Variants in KLF8 observed in about 807,000 individuals in gnomAD.
KLF8 encodes the protein KLF transcription factor 8.
In KLF8, 10 loss-of-function variants were observed where a neutral mutation model predicts 18.2. That is an observed-to-expected ratio of 0.55 (90% confidence interval 0.34 to 0.93). The LOEUF (loss-of-function observed/expected upper bound fraction) is 0.93, where lower values mean the gene tolerates loss of function less well. Ranked by LOEUF, KLF8 falls within the 40% of genes least tolerant of loss-of-function variation. KLF8 has a pLI of 0.02. For synonymous variants in KLF8, 109 were observed against 97.3 expected (o/e 1.12, Z -0.71); for missense variants, 264 against 277.9 (o/e 0.95, Z 0.36).
intron 2 of KLF8, among the ~76,000 whole-genome samples, chrX:56,261,800 C>T (rs1457093101): frequency 9.0e-6 from 1 of 110,989 alleles, no homozygotes; most frequent in African/African-American, 3.3e-5. Context: ...AAAAAGAATC[C>T]TCAGTGCACA....
chrX:55,988,554 G>T, the KLF8 span, among the ~76,000 whole-genome samples: 1 of 111,109 alleles, frequency 9.0e-6, no homozygotes, highest in Non-Finnish European at 1.9e-5. Flanking sequence ...CTGTTCCATT[G>T]GTCTATATCT....
At chrX:56,145,114 AAAACTCAACAAAAGAAAGAC>A in the KLF8 span, among the ~76,000 whole-genome samples, 1 of 111,463 alleles carries the variant, frequency 9.0e-6, no homozygotes, top group African/African-American at 3.3e-5. Context: ...AGAACTTTTA[AAAACTCAACAAAAGAAAGAC>A]AAACAAGCCA....
At chrX:56,113,773 G>A in the KLF8 span, among the ~76,000 whole-genome samples, 1 of 110,413 alleles carries the variant, frequency 9.1e-6, no homozygotes, top group African/African-American at 3.3e-5. Flanking sequence ...GTAGATATAT[G>A]TCAGGTCCCC....
chrX:56,169,591 A>G, the KLF8 span, among the ~76,000 whole-genome samples: 1 of 111,525 alleles, frequency 9.0e-6, no homozygotes, highest in African/African-American at 3.3e-5. Flanking sequence ...CCATGGAGTT[A>G]GGCTCCTAAG....
chrX:56,175,347 G>A, the KLF8 span, among the ~76,000 whole-genome samples: 3 of 111,647 alleles, frequency 2.7e-5, no homozygotes, highest in Non-Finnish European at 3.8e-5. Flanking sequence ...CCTTCTTTTC[G>A]TTATGTACCG....
the KLF8 span, among the ~76,000 whole-genome samples, chrX:56,129,987 C>G: frequency 9.1e-6 from 1 of 110,103 alleles, no homozygotes; most frequent in African/African-American, 3.3e-5. Context: ...GGTACCATAC[C>G]CCCAACCTCC....
the KLF8 span, among the ~76,000 whole-genome samples, chrX:56,063,584 A>G: frequency 9.0e-6 from 1 of 111,587 alleles, no homozygotes; most frequent in Non-Finnish European, 1.9e-5. Context: ...GCTCTCCTGT[A>G]TGAGATGTCC....
At chrX:56,000,347 G>T in the KLF8 span, among the ~76,000 whole-genome samples, 3 of 109,004 alleles carry the variant, frequency 2.8e-5, no homozygotes, top group Non-Finnish European at 5.7e-5. Context: ...CGTGGTACTT[G>T]CTTCATAGTA....
chrX:56,290,428 T>C lies in KLF8; in HGVS notation c.*5934T>C, dbSNP rs1438332370. On this transcript the variant is annotated 3_prime_UTR_variant, in exon 6 of 6. Transcript: ENST00000468660. ...AGATAAATTTGAGTAAGAAGGATAA[T>C]TAAAGAGTGGCCACTGGAAGCAATA... Among the ~76,000 whole-genome samples the C allele has an allele frequency of 8.9e-6, 1 of 111,786 alleles. No individual in the cohort carries two copies. The highest frequency in any genetic ancestry group is 3.2e-5 in the African/African-American group (1 of 30,812).
the KLF8 span, among the ~76,000 whole-genome samples, chrX:56,203,009 T>G: frequency 1.8e-5 from 2 of 111,426 alleles, no homozygotes; most frequent in Non-Finnish European, 1.9e-5. Context: ...CAAACTGTTC[T>G]TCATAGTGGT....
chrX:56,015,439 T>A, the KLF8 span, among the ~76,000 whole-genome samples: 14,258 of 111,913 alleles, frequency 0.13, 1,644 homozygotes, highest in African/African-American at 0.37. Context: ...ATAATGTGAA[T>A]TTCCTTGGTA....
the KLF8 span, among the ~76,000 whole-genome samples, chrX:55,953,148 A>G: frequency 9.0e-6 from 1 of 111,637 alleles, no homozygotes. Context: ...ACAGTAGTGA[A>G]CAAGATGAGG....
At chrX:56,138,531 G>A in the KLF8 span, among the ~76,000 whole-genome samples, 1 of 111,419 alleles carries the variant, frequency 9.0e-6, no homozygotes, top group Non-Finnish European at 1.9e-5. Flanking sequence ...ATCAATATAT[G>A]TGATTCATCA....
the KLF8 span, among the ~76,000 whole-genome samples, chrX:56,179,269 C>T: frequency 5.4e-5 from 6 of 111,699 alleles, no homozygotes; most frequent in African/African-American, 1.6e-4. Flanking sequence ...AATTGGAGTT[C>T]ACTCATGATT....
the KLF8 span, among the ~76,000 whole-genome samples, chrX:56,098,265 A>G: frequency 8.9e-6 from 1 of 112,094 alleles, no homozygotes; most frequent in East Asian, 2.8e-4. Flanking sequence ...CATCAGAACT[A>G]TAAGCCAAAT....
At chrX:56,230,967 A>G (rs2066396320), upstream of KLF8, among the ~76,000 whole-genome samples, 1 of 111,270 alleles carries the variant, frequency 9.0e-6, no homozygotes, top group South Asian at 3.9e-4. Context: ...AAGTGGACAG[A>G]TTCATTGGAA....
At chrX:56,188,984 C>G in the KLF8 span, among the ~76,000 whole-genome samples, 1 of 111,447 alleles carries the variant, frequency 9.0e-6, no homozygotes, top group African/African-American at 3.3e-5. Context: ...TCTAAAACAC[C>G]AAAAGCAATG....
chrX:55,996,664 C>G, the KLF8 span, among the ~76,000 whole-genome samples: 1 of 111,828 alleles, frequency 8.9e-6, no homozygotes, highest in African/African-American at 3.3e-5. Context: ...GCTGCATACT[C>G]TAATTCTGGG....
At chrX:56,047,946 A>T in the KLF8 span, among the ~76,000 whole-genome samples, 1 of 111,605 alleles carries the variant, frequency 9.0e-6, no homozygotes, top group East Asian at 2.8e-4. Flanking sequence ...TGACTTTTTA[A>T]TGATTGCCAT....
Sources: allele counts gnomAD v4.1 joint callset (sites outside exome capture counted in the v4.1 genomes callset), GRCh38; gene constraint gnomAD v4.1.1; transcripts MANE v1.5; gene names NCBI Gene and HGNC (gene_info 2026-07-23, HGNC 2026-07-21).